The following NME9 variants were observed in gnomAD, a reference collection of about 807,000 sequenced individuals.
NME9 encodes the protein thioredoxin domain-containing protein 6.
A neutral mutation model predicts 44.4 loss-of-function variants in NME9; 48 were observed. The observed-to-expected ratio is 1.08, with a 90% CI of 0.86 to 1.37. NME9 has a LOEUF of 1.37. Among genes scored for constraint, NME9 ranks in the 40% most tolerant of loss-of-function variants. The pLI, the probability that NME9 is intolerant of heterozygous loss-of-function variation, is 0.00. For synonymous variants in NME9, 139 were observed against 147.1 expected (o/e 0.94, Z 0.40); for missense variants, 325 against 405.2 (o/e 0.80, Z 1.70).
intron 8 of NME9, among the ~76,000 whole-genome samples, chr3:138,265,731 T>C: frequency 6.6e-6 from 1 of 151,710 alleles, no homozygotes; most frequent in East Asian, 1.9e-4. Context: ...AGTGGAGCAG[T>C]GGGATATAAT....
At chr3:138,275,528 C>T (rs1389214801) in intron 8 of NME9, among the ~76,000 whole-genome samples, 2 of 151,836 alleles carry the variant, frequency 1.3e-5, no homozygotes, top group Admixed American at 6.6e-5. Context: ...CACTGCACTC[C>T]GACCTGGGCG....
exon 9 of NME9, chr3:138,262,340 T>C (rs2047826065): frequency 1.6e-6 from 1 of 612,100 alleles, no homozygotes; most frequent in Non-Finnish European, 2.8e-6. Context: ...AATATGTAAA[T>C]GTTTTGGAAA....
chr3:138,324,739 CA>C, intron 2 of NME9, 133 bp downstream of exon 2: 1 of 591,910 alleles, frequency 1.7e-6, no homozygotes. Context: ...CACACACACA[CA>C]TCACCTGGTT....
Position 138,306,484 on chromosome 3 carries a change from A to C in NME9, c.461-4T>G. 1 of 1,597,258 alleles carries C rather than the reference A, an allele frequency of 6.3e-7. No homozygotes were observed. Among genetic ancestry groups the C allele is most frequent in the Non-Finnish European group, 8.5e-7 (1 of 1,171,260 alleles). On this transcript the variant is annotated splice_region_variant and splice_polypyrimidine_tract_variant and intron_variant, in intron 6 of 10. Transcript: ENST00000333911. ...GTACAGGTCCTCTCTGATGAAACTA[A>C]GCCAAAAAATGGTGCTGTCAGATGC...
chr3:138,266,238 T>C (rs961104017), intron 8 of NME9, among the ~76,000 whole-genome samples: 1 of 152,208 alleles, frequency 6.6e-6, no homozygotes, highest in Non-Finnish European at 1.5e-5. Context: ...TTTTGCTTCC[T>C]GAACCTCATT....
intron 8 of NME9, among the ~76,000 whole-genome samples, chr3:138,274,779 C>T (rs2049115519): frequency 6.6e-6 from 1 of 152,194 alleles, no homozygotes; most frequent in South Asian, 2.1e-4. Context: ...ATGCACTGTG[C>T]ACACTGTCCC....
At chr3:138,319,371 T>C in intron 3 of NME9, 107 bp downstream of exon 3, 1 of 664,492 alleles carries the variant, frequency 1.5e-6, no homozygotes, top group Non-Finnish European at 2.7e-6. Context: ...TGATTCCTTT[T>C]TAATGACCTG....
intron 2 of NME9, chr3:138,324,376 A>G: frequency 2.3e-6 from 1 of 440,808 alleles, no homozygotes; most frequent in Non-Finnish European, 4.6e-6. Context: ...GGGATAATCA[A>G]TGTTTGTTGT....
At position 138,274,507 on chromosome 3, in the gene NME9, T is replaced by C. The variant is rs555858686; in HGVS notation, c.746-11921A>G. On this transcript the variant is annotated intron_variant, in intron 8 of 8. Transcript: ENST00000317876. ...CAAATTATGCAAGCCGTCACTCTTATTCTAGAAGGGGAACATAACATTGAG... is the reference window on the plus strand; with the variant it reads ...CAAATTATGCAAGCCGTCACTCTTACTCTAGAAGGGGAACATAACATTGAG... 30 of 1,613,354 alleles carry C rather than the reference T, an allele frequency of 1.9e-5. No individual in the cohort carries two copies. Among genetic ancestry groups the C allele is most frequent in the Non-Finnish European group, 2.3e-5 (27 of 1,179,352 alleles).
chr3:138,263,714 A>G, intron 8 of NME9: 1 of 1,580,258 alleles, frequency 6.3e-7, no homozygotes, highest in Non-Finnish European at 8.7e-7. Context: ...GTTGTTATTT[A>G]TGCAGCATTA....
At chr3:138,265,260 C>T (rs1330591602) in intron 8 of NME9, among the ~76,000 whole-genome samples, 1 of 151,846 alleles carries the variant, frequency 6.6e-6, no homozygotes, top group African/African-American at 2.4e-5. Context: ...CCTTTTGTCC[C>T]CCCCAAAAAA....
intron 7 of NME9, 139 bp downstream of exon 7, chr3:138,306,259 T>A: frequency 1.2e-6 from 1 of 850,490 alleles, no homozygotes; most frequent in Non-Finnish European, 2.0e-6. Flanking sequence ...CATTTTCATT[T>A]ACTTGAATGG....
intron 6 of NME9, among the ~76,000 whole-genome samples, chr3:138,310,733 C>T (rs1189453844): frequency 1.3e-5 from 2 of 152,068 alleles, no homozygotes; most frequent in Non-Finnish European, 2.9e-5. Flanking sequence ...CGGAAATACA[C>T]ATCCAAAATC....
intron 1 of NME9, 129 bp from the exon 2 acceptor site, chr3:138,325,059 C>T (rs2108467037): frequency 2.8e-6 from 2 of 717,204 alleles, no homozygotes; most frequent in East Asian, 2.6e-5. Context: ...TTATCCTCTC[C>T]CCCATCTTCT....
downstream of NME9, among the ~76,000 whole-genome samples, chr3:138,300,435 C>T (rs1217010082): frequency 3.9e-5 from 6 of 152,316 alleles, no homozygotes; most frequent in African/African-American, 1.2e-4. Flanking sequence ...AGGAGGAAGA[C>T]GCTGGCATTT....
chr3:138,278,828 T>G (rs947467460), intron 8 of NME9, among the ~76,000 whole-genome samples: 5 of 152,212 alleles, frequency 3.3e-5, no homozygotes, highest in Admixed American at 3.3e-4. Flanking sequence ...ATTTTATTTT[T>G]AAAATTTCGA....
chr3:138,315,483 G>T, intron 5 of NME9, 44 bp downstream of exon 5: 1 of 1,320,076 alleles, frequency 7.6e-7, no homozygotes, highest in Non-Finnish European at 1.1e-6. Flanking sequence ...CGCCCTACTA[G>T]CGCACTTGTG....
At chr3:138,309,697 G>A (rs1332434779) in intron 6 of NME9, among the ~76,000 whole-genome samples, 1 of 151,370 alleles carries the variant, frequency 6.6e-6, no homozygotes, top group Non-Finnish European at 1.5e-5. Context: ...TCATGCCACT[G>A]CACTCCAGCC....
Position 138,270,254 on chromosome 3 carries a change from G to C in NME9, c.746-7668C>G, listed in dbSNP as rs1027943069. The C allele has an allele frequency of 3.6e-5, 28 of 771,910 alleles. No homozygotes were observed. The Admixed American group carries it at 4.0e-4, about 11-fold the overall frequency. The allele number at this position is 771,910 out of a possible 1,614,324, so 47.8% of individuals were successfully genotyped here. A position where few individuals can be genotyped will look rare whatever the true frequency, so the allele number is the denominator to read the frequency against. ...TCTTTTTCAAAAATCTGGCTATTTT[G>C]TTCTAGTTTTCTAATGACTAGGACC... On this transcript the variant is annotated intron_variant, in intron 8 of 8. Coordinates refer to the NME9 transcript ENST00000317876.
Sources: gnomAD v4.1 joint callset for allele counts (sites outside exome capture counted in the v4.1 genomes callset) on GRCh38, gnomAD v4.1.1 for gene constraint, MANE v1.5 for transcripts, NCBI Gene and HGNC (gene_info 2026-07-23, HGNC 2026-07-21) for gene names.